Variants in OSBPL3 observed in about 807,000 individuals in gnomAD.
OSBPL3 encodes oxysterol-binding protein-related protein 3.
Under a neutral mutation model 120.1 loss-of-function variants are expected in OSBPL3, and 65 were observed. The observed-to-expected ratio is 0.54, with a 90% CI of 0.44 to 0.67. The LOEUF (loss-of-function observed/expected upper bound fraction) is 0.67. OSBPL3 is among the 30% of genes least tolerant of loss of function. The pLI is 0.00. For missense variants in OSBPL3, 1,004 were observed against 1,082.1 expected (o/e 0.93, Z 1.01); for synonymous variants, 416 against 402.6 (o/e 1.03, Z -0.40).
chr7:24,932,366 G>C lies in OSBPL3; in HGVS notation c.-149-39745C>G, dbSNP rs1333255955. ...GATAGGTTAGAATGCAAGAGCAAGA[G>C]AACACCACCAACACAAACCAGGATC... is the stretch of plus-strand genomic sequence containing the variant. On this transcript the variant is annotated intron_variant, in intron 1 of 22. Coordinates refer to ENST00000313367, the MANE Select transcript of OSBPL3 (RefSeq NM_015550.4). This position sits in a 1 kb window ranked among gnomAD's most constrained non-coding sequence, Gnocchi z 5.6. Among the ~76,000 whole-genome samples the C allele has an allele frequency of 6.6e-6, 1 of 152,136 alleles. No individual in the cohort carries two copies. Among genetic ancestry groups the C allele is most frequent in the Admixed American group, 6.5e-5 (1 of 15,268 alleles).
At chr7:24,807,905 T>C (rs902731738) in intron 20 of OSBPL3, among the ~76,000 whole-genome samples, 5 of 150,314 alleles carry the variant, frequency 3.3e-5, no homozygotes, top group South Asian at 4.2e-4. Flanking sequence ...AGACCCCCCC[T>C]TTTTTTTTAT....
Position 24,947,083 on chromosome 7 carries a change from C to T in OSBPL3, c.-150+32803G>A, listed in dbSNP as rs1813822183. ...TGCTGAGTTCTAGCAAGGCATAGAG[C>T]TGTCTAAAAACAAAGTCAGGAGTGC... is the stretch of plus-strand genomic sequence containing the variant. On this transcript the variant is annotated intron_variant, in intron 1 of 22. Coordinates refer to ENST00000313367, the MANE Select transcript of OSBPL3 (RefSeq NM_015550.4). This position sits in a 1 kb window ranked among gnomAD's most constrained non-coding sequence, Gnocchi z 4.4. Among the ~76,000 whole-genome samples the T allele has an allele frequency of 6.6e-6, 1 of 152,160 alleles. No individual in the cohort carries two copies. Among genetic ancestry groups the T allele is most frequent in the South Asian group, 2.1e-4 (1 of 4,826 alleles).
At chr7:24,971,051 C>T (rs1014310753) in intron 1 of OSBPL3, among the ~76,000 whole-genome samples, 5 of 152,258 alleles carry the variant, frequency 3.3e-5, no homozygotes, top group African/African-American at 1.2e-4. Context: ...GTATAGATTT[C>T]ATCCTGTCTA....
chr7:24,956,918 T>C (rs1004005527), intron 1 of OSBPL3, among the ~76,000 whole-genome samples: 4 of 152,216 alleles, frequency 2.6e-5, no homozygotes, highest in African/African-American at 9.6e-5. Context: ...TCTAGTTTTT[T>C]TATTCATTGT....
rs1367396026 is a variant in OSBPL3, at chr7:24,898,349, G to C, written c.-149-5728C>G. ...AGGCACCCATACCTGACTGTTTCTGGGAGAGGAGTACTAAGTTTCTGGGAG... is the reference window on the plus strand; with the variant it reads ...AGGCACCCATACCTGACTGTTTCTGCGAGAGGAGTACTAAGTTTCTGGGAG... On this transcript the variant is annotated intron_variant, in intron 1 of 22. Coordinates refer to ENST00000313367, the MANE Select transcript of OSBPL3 (RefSeq NM_015550.4). This position sits in a 1 kb window ranked among gnomAD's most constrained non-coding sequence, Gnocchi z 4.3. 6.6e-6 allele frequency among the ~76,000 whole-genome samples: 1 copy of C among 152,136 alleles called. No homozygotes were observed. Among genetic ancestry groups the C allele is most frequent in the Non-Finnish European group, 1.5e-5 (1 of 68,022 alleles).
chr7:24,802,049 T>C lies in OSBPL3; in HGVS notation c.2568-1770A>G, dbSNP rs1296971115. Among the ~76,000 whole-genome samples the C allele has an allele frequency of 6.6e-6, 1 of 152,238 alleles. No homozygotes were observed. The highest frequency in any genetic ancestry group is 2.4e-5 in the African/African-American group (1 of 41,462). Reference sequence around the variant, plus strand: ...TATGTGCATTTGTGATTCTGACTGATATTACCATATGGTTTAGAAGCAAAA... The same window carrying C: ...TATGTGCATTTGTGATTCTGACTGACATTACCATATGGTTTAGAAGCAAAA... On this transcript the variant is annotated intron_variant, in intron 22 of 22. Coordinates refer to ENST00000313367, the MANE Select transcript of OSBPL3 (RefSeq NM_015550.4). The surrounding 1 kb of genome is among the most constrained non-coding windows in gnomAD (Gnocchi z 4.1).
rs1816236926 is a variant in OSBPL3, at chr7:24,965,249, A to G, written c.-150+14637T>C. 6.6e-6 allele frequency among the ~76,000 whole-genome samples: 1 copy of G among 152,226 alleles called. No individual in the cohort carries two copies. The highest frequency in any genetic ancestry group is 1.5e-5 in the Non-Finnish European group (1 of 68,034). On this transcript the variant is annotated intron_variant, in intron 1 of 22. Transcript: ENST00000313367. The surrounding 1 kb of genome is among the most constrained non-coding windows in gnomAD (Gnocchi z 4.3). ...TTTCCAAGGAAAAAAGACAATGTAG[A>G]AGGAGCAATAAATCTACAGTAAGAA... is the stretch of plus-strand genomic sequence containing the variant.
chr7:24,906,366 T>G, intron 1 of OSBPL3: 1 of 246,728 alleles, frequency 4.1e-6, no homozygotes, highest in Non-Finnish European at 8.4e-6. Flanking sequence ...TGCGAGGAGG[T>G]GGGATCATTG....
Position 24,871,970 on chromosome 7 carries a change from A to G in OSBPL3, c.196T>C (p.Leu66=), listed in dbSNP as rs1802181599. 5 of 1,613,136 alleles carry G rather than the reference A, an allele frequency of 3.1e-6. No individual in the cohort carries two copies. In the African/African-American group the frequency reaches 5.3e-5, roughly 17 times the overall value. The change falls in exon 3 of 23, where the codon TTA becomes CTA. Residue 66 remains leucine (L), a synonymous_variant. Transcript: ENST00000313367. This position sits in a 1 kb window ranked among gnomAD's most constrained non-coding sequence, Gnocchi z 4.8. ...GFLLKKRKWP[L]KGWHKRFFYL... ...AACCTTACCTTATGCCAGCCTTTTA[A>G]GGGCCACTTCCTCTTTTTCAGCAAA...
At position 24,932,627 on chromosome 7, in the gene OSBPL3, G is replaced by T. The variant is rs1276320143; in HGVS notation, c.-149-40006C>A. 6.6e-6 allele frequency among the ~76,000 whole-genome samples: 1 copy of T among 152,086 alleles called. No individual in the cohort carries two copies. The highest frequency in any genetic ancestry group is 1.5e-5 in the Non-Finnish European group (1 of 68,022). The stretch of plus-strand genomic sequence containing the variant: ...CCACCCTGTGAGCACACAGCAAAAA[G>T]GCACTGTCTACCAACCAAAAAACGA... On this transcript the variant is annotated intron_variant, in intron 1 of 22. Transcript: ENST00000313367. The surrounding 1 kb of genome is among the most constrained non-coding windows in gnomAD (Gnocchi z 5.6).
At chr7:24,837,645 A>C (rs1797178294) in intron 14 of OSBPL3, among the ~76,000 whole-genome samples, 1 of 152,232 alleles carries the variant, frequency 6.6e-6, no homozygotes, top group South Asian at 2.1e-4. Flanking sequence ...CTTGCATTTT[A>C]TTCTGTGACA....
intron 15 of OSBPL3, among the ~76,000 whole-genome samples, chr7:24,832,973 T>G (rs2128176070): frequency 6.6e-6 from 1 of 152,350 alleles, no homozygotes; most frequent in South Asian, 2.1e-4. Flanking sequence ...CCTAAGGGTC[T>G]CTAAATTGCC....
chr7:24,839,913 C>G (rs1797489390), intron 14 of OSBPL3, among the ~76,000 whole-genome samples: 2 of 136,598 alleles, frequency 1.5e-5, no homozygotes, highest in South Asian at 2.5e-4. Context: ...ATCGCTTTAA[C>G]CCGGGAGGCA....
chr7:24,857,452 A>G (rs968278802), intron 10 of OSBPL3, among the ~76,000 whole-genome samples: 2 of 152,252 alleles, frequency 1.3e-5, no homozygotes, highest in African/African-American at 2.4e-5. Flanking sequence ...TTGTAACAAT[A>G]AGCAATAGTA....
rs578152647 is a variant in OSBPL3, at chr7:24,928,221, T to C, written c.-149-35600A>G. ...TTTTTTTTTTTTTTGAGATGGAGTC[T>C]CGCTCTGTCACCCAGGCTGGAGTGC... On this transcript the variant is annotated intron_variant, in intron 1 of 22. Coordinates refer to ENST00000313367, the MANE Select transcript of OSBPL3 (RefSeq NM_015550.4). Among the ~76,000 whole-genome samples the C allele has an allele frequency of 2.9e-4, 42 of 146,966 alleles. 1 individual carries two copies. The highest frequency in any genetic ancestry group is 3.5e-3 in the Middle Eastern group (1 of 284).
intron 20 of OSBPL3, 22 bp downstream of exon 20, chr7:24,809,785 G>A (rs977477965): frequency 6.2e-7 from 1 of 1,613,230 alleles, no homozygotes; most frequent in Non-Finnish European, 8.5e-7. Flanking sequence ...ACAGCCTGGG[G>A]TCCACAAACC....
At chr7:24,875,928 G>T (rs967971135) in intron 2 of OSBPL3, among the ~76,000 whole-genome samples, 7 of 152,112 alleles carry the variant, frequency 4.6e-5, no homozygotes, top group African/African-American at 1.2e-4. Context: ...GTGTGCTGTT[G>T]TAAGAAAGAA....
intron 16 of OSBPL3, among the ~76,000 whole-genome samples, chr7:24,826,466 G>A (rs1472339470): frequency 6.6e-6 from 1 of 152,138 alleles, no homozygotes; most frequent in African/African-American, 2.4e-5. Context: ...TACACAAAGG[G>A]CTGCTTTGTG....
Position 24,834,847 on chromosome 7 carries a change from T to G in OSBPL3, c.1496-111A>C. 1.0e-6 allele frequency: 1 copy of G among 969,276 alleles called. No homozygotes were observed. Among genetic ancestry groups the G allele is most frequent in the East Asian group, 2.7e-5 (1 of 37,074 alleles). The allele number at this position is 969,276 out of a possible 1,614,324, so 60.0% of individuals were successfully genotyped here. On this transcript the variant is annotated intron_variant, in intron 14 of 22. Transcript: ENST00000313367. The surrounding 1 kb of genome is among the most constrained non-coding windows in gnomAD (Gnocchi z 5.2). ...CAAGTAGTCAATGTTACTATTAAAC[T>G]CAGTTGTTCAGAGTATGGCTGAAGT...
Sources: allele counts gnomAD v4.1 joint callset (sites outside exome capture counted in the v4.1 genomes callset), GRCh38; gene constraint gnomAD v4.1.1; non-coding constraint Gnocchi (gnomAD v3.1); transcripts MANE v1.5; gene names NCBI Gene and HGNC (gene_info 2026-07-23, HGNC 2026-07-21).